Variants in EYA1 observed in about 807,000 individuals in gnomAD.
The protein encoded by EYA1 is EYA transcriptional coactivator and phosphatase 1.
In EYA1, 16 loss-of-function variants were observed where a neutral mutation model predicts 82.0. That is an observed-to-expected ratio of 0.20 (90% CI 0.13 to 0.30). The LOEUF (loss-of-function observed/expected upper bound fraction) is 0.30. Ranked by LOEUF, EYA1 falls within the 10% of genes least tolerant of loss-of-function variation. EYA1 has a pLI of 1.00. For synonymous variants in EYA1, 261 were observed against 264.4 expected, an observed-to-expected ratio of 0.99 and a Z score of 0.12; for missense variants, 633 against 730.7, an observed-to-expected ratio of 0.87 and a Z score of 1.54.
intron 2 of EYA1, among the ~76,000 whole-genome samples, chr8:71,505,028 G>A (rs1812086574): frequency 6.6e-6 from 1 of 152,096 alleles, no homozygotes; most frequent in Non-Finnish European, 1.5e-5. Flanking sequence ...TCAAACTCCT[G>A]GTCTCAAATG....
intron 2 of EYA1, chr8:71,471,012 T>G (rs1563646243): frequency 4.8e-6 from 2 of 417,036 alleles, no homozygotes; most frequent in Non-Finnish European, 9.4e-6. Context: ...TTTAAAAAAT[T>G]TATTGCTTTT....
intron 2 of EYA1, among the ~76,000 whole-genome samples, chr8:71,460,755 G>A (rs1194742603): frequency 6.6e-6 from 1 of 152,180 alleles, no homozygotes; most frequent in Non-Finnish European, 1.5e-5. Context: ...TGCTGCCATA[G>A]GACTGTCCCA....
At chr8:71,485,059 G>C (rs111276666) in intron 2 of EYA1, among the ~76,000 whole-genome samples, 1 of 152,226 alleles carries the variant, frequency 6.6e-6, no homozygotes, top group Non-Finnish European at 1.5e-5. Flanking sequence ...AAAAACTCTA[G>C]GAGGATCTGA....
intron 2 of EYA1, among the ~76,000 whole-genome samples, chr8:71,431,714 A>C (rs1290142584): frequency 1.3e-5 from 2 of 152,200 alleles, no homozygotes; most frequent in African/African-American, 4.8e-5. Flanking sequence ...GGGAAGTATT[A>C]GTCTGTGTTA....
At chr8:71,396,978 T>C (rs1437553028) in intron 2 of EYA1, among the ~76,000 whole-genome samples, 1 of 152,236 alleles carries the variant, frequency 6.6e-6, no homozygotes, top group Non-Finnish European at 1.5e-5. Flanking sequence ...GCTCCTGTAT[T>C]GGATGCATAT....
intron 9 of EYA1, among the ~76,000 whole-genome samples, chr8:71,298,622 T>C (rs1485505593): frequency 2.1e-4 from 32 of 152,200 alleles, no homozygotes. Context: ...TCACTTTTGA[T>C]TGTTTTTCAA....
chr8:71,234,498 C>G (rs866963311), intron 12 of EYA1, among the ~76,000 whole-genome samples: 2 of 152,306 alleles, frequency 1.3e-5, no homozygotes, highest in South Asian at 2.1e-4. Context: ...GCTCACTTCT[C>G]TGTCCTCATC....
At chr8:71,545,845 C>CCA (rs966740948) in intron 1 of EYA1, among the ~76,000 whole-genome samples, 8 of 152,180 alleles carry the variant, frequency 5.3e-5, no homozygotes, top group African/African-American at 1.4e-4. Flanking sequence ...CAGGTGTGAG[C>CCA]CACTGTGCCC....
At chr8:71,294,553 A>G (rs961450661) in intron 9 of EYA1, among the ~76,000 whole-genome samples, 1 of 152,206 alleles carries the variant, frequency 6.6e-6, no homozygotes. Context: ...AAAATTATAT[A>G]TAAGCTTTAT....
chr8:71,408,256 C>T (rs1193330637), intron 2 of EYA1, among the ~76,000 whole-genome samples: 12 of 151,988 alleles, frequency 7.9e-5, no homozygotes, highest in South Asian at 2.1e-4. Context: ...TGGTACCAGC[C>T]GCTGCAAAAT....
intron 2 of EYA1, among the ~76,000 whole-genome samples, chr8:71,507,263 T>G (rs10096191): frequency 0.06 from 9,194 of 152,290 alleles, 335 homozygotes; most frequent in East Asian, 0.12. Context: ...TGGTAAGTGT[T>G]ACAGCCTAAA....
chr8:71,403,952 G>A (rs1830085868), intron 2 of EYA1: 1 of 152,136 alleles, frequency 6.6e-6, no homozygotes, highest in Non-Finnish European at 1.5e-5. Flanking sequence ...ACTTCTTAAA[G>A]TACATACTTG....
intron 2 of EYA1, among the ~76,000 whole-genome samples, chr8:71,473,046 T>C (rs1809354419): frequency 6.6e-6 from 1 of 151,828 alleles, no homozygotes; most frequent in African/African-American, 2.4e-5. Context: ...CCAAATAATG[T>C]CCAACTCTAG....
intron 2 of EYA1, among the ~76,000 whole-genome samples, chr8:71,505,401 A>C (rs1812126629): frequency 6.6e-6 from 1 of 152,222 alleles, no homozygotes; most frequent in African/African-American, 2.4e-5. Flanking sequence ...TTAATTAAAA[A>C]GTAGGACTGG....
chr8:71,346,444 A>ATATATATATATATC (rs1417489391), intron 3 of EYA1, among the ~76,000 whole-genome samples: 1 of 142,696 alleles, frequency 7.0e-6, no homozygotes, highest in African/African-American at 2.6e-5. Flanking sequence ...ATATATATAT[A>ATATATATATATATC]TATATATATA....
chr8:71,206,792 A>C (rs546153066), intron 17 of EYA1, among the ~76,000 whole-genome samples: 13 of 151,882 alleles, frequency 8.6e-5, no homozygotes, highest in African/African-American at 3.1e-4. Flanking sequence ...ATCTCATTCT[A>C]TCATCCCAGC....
intron 17 of EYA1, among the ~76,000 whole-genome samples, chr8:71,204,793 A>G (rs532423177): frequency 6.6e-6 from 1 of 152,366 alleles, no homozygotes; most frequent in South Asian, 2.1e-4. Context: ...AAAGAAAGAT[A>G]TCAAGGGAGA....
At chr8:71,278,533 A>T (rs79418337) in intron 9 of EYA1, among the ~76,000 whole-genome samples, 4,800 of 152,290 alleles carry the variant, frequency 0.032, 250 homozygotes, top group African/African-American at 0.11. Context: ...AAAGATGCTT[A>T]TATATTTGCT....
In EYA1 at chr8:71,271,547, T is replaced by C. The variant is rs747037470; in HGVS notation, c.966+211A>G. Among the ~76,000 whole-genome samples the C allele has an allele frequency of 5.3e-5, 8 of 152,238 alleles. 1 individual carries two copies. The highest frequency in any genetic ancestry group is 1.9e-4 in the East Asian group (1 of 5,202). ...AGAGAGAAACAGACCCTTTGCCATA[T>C]AGTTCATAGGGAAGAAAAAACAAAT... On this transcript the variant is annotated intron_variant, in intron 10 of 17. Coordinates refer to ENST00000340726, the MANE Select transcript of EYA1 (RefSeq NM_000503.6).
Sources: gnomAD v4.1 joint callset for allele counts (sites outside exome capture counted in the v4.1 genomes callset) on GRCh38, gnomAD v4.1.1 for gene constraint, MANE v1.5 for transcripts, NCBI Gene and HGNC (gene_info 2026-07-23, HGNC 2026-07-21) for gene names.